Variants in NBPF26 observed in about 807,000 individuals in gnomAD.
The protein encoded by NBPF26 is NBPF member 26.
NBPF26 carries 79 observed loss-of-function variants against 119.6 expected under a neutral mutation model. The ratio of observed to expected loss-of-function variants is 0.66; its 90% CI spans 0.55 to 0.80. The LOEUF is 0.80. Ranked by LOEUF, NBPF26 falls within the 30% of genes least tolerant of loss-of-function variation. NBPF26 has a pLI of 0.00. For missense variants in NBPF26, 800 were observed against 1,198.2 expected (o/e 0.67, Z 4.91); for synonymous variants, 299 against 457.7 (o/e 0.65, Z 4.43).
At chr1:120,811,273 G>T (rs1211980171) in intron 9 of NBPF26, among the ~76,000 whole-genome samples, 1 of 105,488 alleles carries the variant, frequency 9.5e-6, no homozygotes, top group African/African-American at 5.8e-5. Flanking sequence ...CTGACCAGGG[G>T]CGCTGGCTCA....
chr1:120,756,419 G>A (rs1321194037), intron 1 of NBPF26, among the ~76,000 whole-genome samples: 2 of 117,760 alleles, frequency 1.7e-5, no homozygotes, highest in Non-Finnish European at 3.3e-5. Context: ...TGTATTTTAG[G>A]AGCCTCAGAC....
chr1:120,811,380 T>C (rs1422126150), intron 9 of NBPF26, among the ~76,000 whole-genome samples: 1 of 110,592 alleles, frequency 9.0e-6, no homozygotes, highest in Non-Finnish European at 1.7e-5. Flanking sequence ...ACCCCATCTC[T>C]ACTAAAAATA....
intron 21 of NBPF26, among the ~76,000 whole-genome samples, chr1:120,831,747 C>CTG (rs1652344343): frequency 9.5e-5 from 2 of 21,028 alleles, no homozygotes. Flanking sequence ...TTCTCTCTCT[C>CTG]TCTCTGTGTG....
intron 1 of NBPF26, among the ~76,000 whole-genome samples, chr1:120,759,078 G>A (rs1201192747): frequency 7.6e-5 from 7 of 92,028 alleles, no homozygotes; most frequent in Admixed American, 1.1e-4. Flanking sequence ...TGTATACTAC[G>A]GTATCCCTGA....
At chr1:120,840,746 C>T (rs1335907845), downstream of NBPF26, 14 of 1,136,824 alleles carry the variant, frequency 1.2e-5, 2 homozygotes, top group Admixed American at 3.1e-4. Flanking sequence ...ATGCCAGTGG[C>T]AACCTGTGCT....
At chr1:120,759,576 G>C (rs1279765691) in intron 1 of NBPF26, among the ~76,000 whole-genome samples, 1 of 97,300 alleles carries the variant, frequency 1.0e-5, no homozygotes, top group Non-Finnish European at 1.8e-5. Flanking sequence ...AATGAGGTCT[G>C]TCCCGGTCTC....
intron 1 of NBPF26, among the ~76,000 whole-genome samples, chr1:120,729,083 CTA>C (rs1650847708): frequency 9.1e-6 from 1 of 109,458 alleles, no homozygotes; most frequent in Admixed American, 8.8e-5. Flanking sequence ...TTAGAACATT[CTA>C]TAGGAGAGGC....
chr1:120,764,268 A>T (rs1448533926), intron 2 of NBPF26, among the ~76,000 whole-genome samples: 2 of 108,350 alleles, frequency 1.8e-5, no homozygotes, highest in Non-Finnish European at 3.5e-5. Flanking sequence ...AAAAAAATAT[A>T]TAAAAAAATA....
rs1349127023 is a variant in NBPF26, at chr1:120,737,830, C to A, written c.73+13580C>A. Among the ~76,000 whole-genome samples the A allele has an allele frequency of 6.9e-5, 8 of 115,340 alleles. 2 individuals are homozygous for A. The highest frequency in any genetic ancestry group is 1.4e-4 in the Non-Finnish European group (8 of 57,932). 75.7% of individuals were successfully genotyped at this position (115,340 alleles called of 152,430 possible). A position where few individuals can be genotyped will look rare whatever the true frequency, so the allele number is the denominator to read the frequency against. On this transcript the variant is annotated intron_variant, in intron 1 of 29. Coordinates refer to ENST00000620612, the Ensembl canonical transcript of NBPF26. ...TTTCCCTTGACAGTTTGCTTCTTCTCAAGTTTTGGCAGCCTTGAACAAGTG... is the reference window on the plus strand; with the variant it reads ...TTTCCCTTGACAGTTTGCTTCTTCTAAAGTTTTGGCAGCCTTGAACAAGTG...
At chr1:120,811,914 C>A in exon 10 of NBPF26, 1 of 1,078,516 alleles carries the variant, frequency 9.3e-7, no homozygotes, top group Admixed American at 2.0e-5. Flanking sequence ...CTGCCACAAA[C>A]GTCAGCATGG....
At chr1:120,755,941 T>G (rs1651075563) in intron 1 of NBPF26, among the ~76,000 whole-genome samples, 1 of 94,682 alleles carries the variant, frequency 1.1e-5, no homozygotes. Context: ...TGCTTTTTTT[T>G]TTTTTTTTTT....
chr1:120,787,863 GCA>G (rs1651438298), intron 3 of NBPF26, among the ~76,000 whole-genome samples: 1 of 88,070 alleles, frequency 1.1e-5, no homozygotes, highest in South Asian at 3.4e-4. Flanking sequence ...GTGTGTGCAA[GCA>G]CAGACATGTT....
At chr1:120,810,767 A>T (rs1422046888) in intron 9 of NBPF26, among the ~76,000 whole-genome samples, 1 of 111,432 alleles carries the variant, frequency 9.0e-6, no homozygotes, top group East Asian at 2.1e-4. Flanking sequence ...CAGCCTACAC[A>T]ATATGGTGAA....
intron 8 of NBPF26, among the ~76,000 whole-genome samples, chr1:120,810,115 C>T (rs1321287263): frequency 7.9e-6 from 1 of 126,312 alleles, no homozygotes; most frequent in Non-Finnish European, 1.6e-5. Flanking sequence ...CTCCTCAGCT[C>T]CTATCTGTCC....
rs1394297645 is a variant in NBPF26, at chr1:120,785,033, G to A, written c.215G>A (p.Arg72His). 71 of 1,439,744 alleles carry A rather than the reference G, an allele frequency of 4.9e-5. 17 individuals carry two copies. The highest frequency in any genetic ancestry group is 1.8e-4 in the Middle Eastern group (1 of 5,646). 89.2% of individuals were successfully genotyped at this position (1,439,744 alleles called of 1,614,324 possible). Residue 72 changes from arginine (R) to histidine (H), a missense_variant, in exon 3 of 30, where the codon CGC becomes CAC. By Grantham distance (29) the Arg-to-His change is conservative. Around this residue, in one of 13 missense-constraint regions of NBPF26, gnomAD observed 209 missense variants for 285.2 expected, o/e 0.73. Coordinates refer to ENST00000620612, the Ensembl canonical transcript of NBPF26. ...CATCGAGACCCCTGTGAGAAGAACC[G>A]CTGCCAGAATGGTGGGACTTGTGTG...
Position 120,816,926 on chromosome 1 carries a change from A to G in NBPF26, c.2371+99A>G, listed in dbSNP as rs1301507672. On this transcript the variant is annotated intron_variant, in intron 14 of 29. Coordinates refer to ENST00000620612, the Ensembl canonical transcript of NBPF26. The stretch of plus-strand genomic sequence containing the variant: ...AAACACAAATTCATTTGAATAAAAA[A>G]CTGTGATGGGTTTCTAAACAGATAT... The G allele has an allele frequency of 3.2e-5, 37 of 1,158,860 alleles. 5 individuals carry two copies. The highest frequency in any genetic ancestry group is 4.8e-6 in the Non-Finnish European group (4 of 837,706). The allele number at this position is 1,158,860 out of a possible 1,614,324, so 71.8% of individuals were successfully genotyped here.
chr1:120,820,447 A>AAAAT (rs1553271997), intron 15 of NBPF26, among the ~76,000 whole-genome samples: 3 of 10,836 alleles, frequency 2.8e-4, no homozygotes, highest in South Asian at 2.9e-3. Context: ...AAGTATTAAA[A>AAAAT]ATATATATAT....
At chr1:120,737,685 G>T (rs1450260810) in intron 1 of NBPF26, among the ~76,000 whole-genome samples, 1 of 118,266 alleles carries the variant, frequency 8.5e-6, no homozygotes, top group East Asian at 2.0e-4. Flanking sequence ...TGTCCCTTTG[G>T]ACTTCTTTGT....
chr1:120,840,736 A>T (rs1343004388), downstream of NBPF26: 3 of 1,167,090 alleles, frequency 2.6e-6, 1 homozygote, highest in African/African-American at 8.5e-5. Flanking sequence ...TTCTCAAACC[A>T]TGCCAGTGGC....
Sources: allele counts gnomAD v4.1 joint callset (sites outside exome capture counted in the v4.1 genomes callset), GRCh38; gene constraint gnomAD v4.1.1; regional missense constraint gnomAD v4.1.1; transcripts MANE v1.5; gene names NCBI Gene and HGNC (gene_info 2026-07-23, HGNC 2026-07-21).